ERBB4: variants seen among roughly 807,000 people sequenced by gnomAD.
ERBB4 encodes the protein erb-b2 receptor tyrosine kinase 4.
A neutral mutation model predicts 158.0 loss-of-function variants in ERBB4; 42 were observed. The observed-to-expected ratio is 0.27, with a 90% confidence interval of 0.21 to 0.34. The LOEUF (loss-of-function observed/expected upper bound fraction) is 0.34. Among genes scored for constraint, ERBB4 ranks in the 10% least tolerant of loss-of-function variants. The probability of loss-of-function intolerance (pLI) is 1.00; values close to 1 mark genes in which losing one functional copy is unlikely to be tolerated. For missense variants in ERBB4, 1,333 were observed against 1,624.1 expected, an observed-to-expected ratio of 0.82 and a Z score of 3.08; for synonymous variants, 583 against 558.7, an observed-to-expected ratio of 1.04 and a Z score of -0.61.
At chr2:211,826,709 A>T (rs2077107141) in intron 3 of ERBB4, among the ~76,000 whole-genome samples, 1 of 152,010 alleles carries the variant, frequency 6.6e-6, no homozygotes. Context: ...GCAAACAGGT[A>T]CTACCCTGAT....
intron 2 of ERBB4, among the ~76,000 whole-genome samples, chr2:212,043,437 G>A (rs1267550114): frequency 6.6e-6 from 1 of 152,044 alleles, no homozygotes; most frequent in Admixed American, 6.6e-5. Flanking sequence ...CAAAGAGGAG[G>A]CAATACATTA....
intron 6 of ERBB4, among the ~76,000 whole-genome samples, chr2:211,723,977 T>A (rs546626619): frequency 6.6e-6 from 1 of 152,322 alleles, no homozygotes; most frequent in South Asian, 2.1e-4. Flanking sequence ...AATGGAACCA[T>A]GACAAAAACT....
intron 3 of ERBB4, among the ~76,000 whole-genome samples, chr2:211,804,971 G>A (rs1481348600): frequency 6.7e-6 from 1 of 149,648 alleles, no homozygotes; most frequent in African/African-American, 2.5e-5. Flanking sequence ...CCAGGCTGGA[G>A]TGCAACGGCA....
intron 1 of ERBB4, among the ~76,000 whole-genome samples, chr2:212,219,779 C>T (rs921880362): frequency 6.6e-6 from 1 of 151,114 alleles, no homozygotes; most frequent in South Asian, 2.1e-4. Flanking sequence ...TGTGCATGGC[C>T]AAATTCATAA....
At chr2:211,929,234 AGT>A (rs10542155) in intron 3 of ERBB4, among the ~76,000 whole-genome samples, 67,628 of 148,104 alleles carry the variant, frequency 0.46, 15,995 homozygotes, top group Non-Finnish European at 0.53. Flanking sequence ...CTTTGGAATA[AGT>A]GTGTGTGTGT....
chr2:211,955,941 T>C (rs982992409), intron 2 of ERBB4, among the ~76,000 whole-genome samples: 23 of 152,046 alleles, frequency 1.5e-4, no homozygotes, highest in African/African-American at 4.6e-4. Flanking sequence ...GAAGCTTTGG[T>C]AGATTCATTT....
intron 1 of ERBB4, among the ~76,000 whole-genome samples, chr2:212,373,605 G>T (rs1409658883): frequency 6.6e-6 from 1 of 150,752 alleles, no homozygotes; most frequent in Non-Finnish European, 1.5e-5. Context: ...AAGTGAAAAG[G>T]ATACAAAATG....
At chr2:211,662,788 C>T (rs2071478898) in intron 15 of ERBB4, among the ~76,000 whole-genome samples, 1 of 152,072 alleles carries the variant, frequency 6.6e-6, no homozygotes, top group Non-Finnish European at 1.5e-5. Context: ...ACACAGGTAA[C>T]TTTATTTTCA....
chr2:212,337,320 G>A (rs1009912590), intron 1 of ERBB4, among the ~76,000 whole-genome samples: 1 of 151,990 alleles, frequency 6.6e-6, no homozygotes, highest in Admixed American at 6.6e-5. Context: ...CCTTTCTCTT[G>A]TACTCAGGAC....
intron 1 of ERBB4, among the ~76,000 whole-genome samples, chr2:212,136,498 A>T (rs1203915900): frequency 2.6e-5 from 4 of 152,038 alleles, no homozygotes; most frequent in Non-Finnish European, 4.4e-5. Context: ...ACCCAGGGCT[A>T]CTCTTGGGCA....
chr2:211,491,447 A>C (rs1410613322), intron 20 of ERBB4, among the ~76,000 whole-genome samples: 1 of 152,068 alleles, frequency 6.6e-6, no homozygotes, highest in Non-Finnish European at 1.5e-5. Context: ...AATTCATTTC[A>C]ATAAGGCTAA....
intron 2 of ERBB4, among the ~76,000 whole-genome samples, chr2:212,056,779 C>A (rs542507176): frequency 1.1e-4 from 16 of 152,250 alleles, no homozygotes; most frequent in African/African-American, 3.6e-4. Context: ...TTGAAGGAAG[C>A]ACTAAACATG....
chr2:211,917,958 A>G (rs11900975), intron 3 of ERBB4, among the ~76,000 whole-genome samples: 16,803 of 152,182 alleles, frequency 0.11, 1,354 homozygotes, highest in African/African-American at 0.22. Context: ...AACCATGTAA[A>G]AAGGAAAATG....
chr2:211,583,433 T>C (rs1374753474), intron 19 of ERBB4, among the ~76,000 whole-genome samples: 1 of 151,912 alleles, frequency 6.6e-6, no homozygotes, highest in Non-Finnish European at 1.5e-5. Flanking sequence ...ATCAATAAAA[T>C]GATTAATAGT....
intron 5 of ERBB4, among the ~76,000 whole-genome samples, chr2:211,725,888 C>T (rs1575056532): frequency 1.3e-5 from 2 of 151,894 alleles, no homozygotes; most frequent in East Asian, 3.9e-4. Flanking sequence ...GAAAGAAAGC[C>T]ATTAATAGTA....
At chr2:211,785,480 C>T (rs1348757630) in intron 4 of ERBB4, among the ~76,000 whole-genome samples, 5 of 152,138 alleles carry the variant, frequency 3.3e-5, no homozygotes, top group Non-Finnish European at 7.3e-5. Context: ...GTTATATCCA[C>T]GAATTTATTG....
chr2:211,909,785 A>T (rs1349923793), intron 3 of ERBB4, among the ~76,000 whole-genome samples: 1 of 151,840 alleles, frequency 6.6e-6, no homozygotes, highest in Non-Finnish European at 1.5e-5. Flanking sequence ...TACACTCATT[A>T]CTTTTCCATT....
chr2:212,185,356 T>C (rs1346962243), intron 1 of ERBB4, among the ~76,000 whole-genome samples: 2 of 151,306 alleles, frequency 1.3e-5, no homozygotes, highest in Non-Finnish European at 2.9e-5. Flanking sequence ...ATGTGCTTGG[T>C]AGACCTCAGA....
At chr2:211,534,508 G>A (rs984357824) in intron 20 of ERBB4, among the ~76,000 whole-genome samples, 2 of 152,004 alleles carry the variant, frequency 1.3e-5, no homozygotes, top group Admixed American at 1.3e-4. Context: ...GGCCTCTGAT[G>A]ATAATCATCA....
Sources: allele counts gnomAD v4.1 joint callset (sites outside exome capture counted in the v4.1 genomes callset), GRCh38; gene constraint gnomAD v4.1.1; transcripts MANE v1.5; gene names NCBI Gene and HGNC (gene_info 2026-07-23, HGNC 2026-07-21).